PDE4B: variants seen among roughly 807,000 people sequenced by gnomAD.
PDE4B encodes phosphodiesterase 4B.
In PDE4B, 20 loss-of-function variants were observed where a neutral mutation model predicts 82.2. The observed-to-expected ratio is 0.24, with a 90% CI of 0.17 to 0.35. PDE4B has a LOEUF of 0.35. Ranked by LOEUF, PDE4B falls within the 10% of genes least tolerant of loss-of-function variation. The pLI, the probability that PDE4B is intolerant of heterozygous loss-of-function variation, is 1.00. For synonymous variants in PDE4B, 320 were observed against 318.9 expected (o/e 1.00, Z -0.04); for missense variants, 655 against 907.2 (o/e 0.72, Z 3.57).
At chr1:66,169,501 C>A (rs1257455573) in intron 3 of PDE4B, among the ~76,000 whole-genome samples, 1 of 152,148 alleles carries the variant, frequency 6.6e-6, no homozygotes, top group African/African-American at 2.4e-5. Flanking sequence ...AGGGTTTTCG[C>A]CTTTGTTGTG....
intron 1 of PDE4B, among the ~76,000 whole-genome samples, chr1:65,864,551 G>A (rs748585389): frequency 4.1e-4 from 62 of 152,052 alleles, no homozygotes; most frequent in Non-Finnish European, 8.8e-5. Context: ...TTGTGCGGGG[G>A]TCCTTTATGT....
chr1:66,200,642 CTGTT>C (rs1158504524), intron 3 of PDE4B, among the ~76,000 whole-genome samples: 5 of 152,094 alleles, frequency 3.3e-5, no homozygotes, highest in African/African-American at 1.2e-4. Context: ...ATTTGGCTCT[CTGTT>C]TGTCTGTTAT....
At chr1:65,996,700 CATT>C (rs1354090575) in intron 3 of PDE4B, among the ~76,000 whole-genome samples, 2 of 152,122 alleles carry the variant, frequency 1.3e-5, no homozygotes, top group African/African-American at 4.8e-5. Flanking sequence ...CTCCATTCAT[CATT>C]ATTTTGACTC....
intron 3 of PDE4B, among the ~76,000 whole-genome samples, chr1:66,236,241 C>G (rs1044013896): frequency 2.6e-5 from 4 of 152,032 alleles, no homozygotes; most frequent in Non-Finnish European, 5.9e-5. Context: ...TTATCACAGT[C>G]TACCTTCAAG....
At chr1:66,002,351 G>A (rs1397367975) in intron 3 of PDE4B, among the ~76,000 whole-genome samples, 2 of 151,916 alleles carry the variant, frequency 1.3e-5, no homozygotes, top group East Asian at 1.9e-4. Flanking sequence ...ATTTTTAAGA[G>A]CACACTGACA....
At chr1:66,311,981 G>A (rs1361299307) in intron 7 of PDE4B, among the ~76,000 whole-genome samples, 4 of 152,166 alleles carry the variant, frequency 2.6e-5, no homozygotes, top group African/African-American at 9.7e-5. Context: ...CAAATGTATA[G>A]GTCTGGGAAC....
At chr1:66,237,195 A>G (rs1235727470) in intron 3 of PDE4B, among the ~76,000 whole-genome samples, 1 of 152,198 alleles carries the variant, frequency 6.6e-6, no homozygotes, top group Non-Finnish European at 1.5e-5. Context: ...TTTAAAATCC[A>G]AATGCCAGGC....
At chr1:66,150,129 A>G (rs1487707289) in intron 3 of PDE4B, among the ~76,000 whole-genome samples, 2 of 152,150 alleles carry the variant, frequency 1.3e-5, no homozygotes, top group Non-Finnish European at 2.9e-5. Flanking sequence ...TCCTTATGCT[A>G]GTATCACACT....
chr1:66,202,715 T>A (rs1387844046), intron 3 of PDE4B, among the ~76,000 whole-genome samples: 2 of 152,132 alleles, frequency 1.3e-5, no homozygotes, highest in Non-Finnish European at 2.9e-5. Context: ...TCTTCCTCCA[T>A]CCCTTTATTT....
intron 3 of PDE4B, among the ~76,000 whole-genome samples, chr1:65,948,973 C>T (rs1648854905): frequency 6.6e-6 from 1 of 152,024 alleles, no homozygotes; most frequent in South Asian, 2.1e-4. Context: ...TTATTGGCTG[C>T]CTATCTATCT....
chr1:66,172,600 C>A (rs1299512465), intron 3 of PDE4B, among the ~76,000 whole-genome samples: 1 of 152,148 alleles, frequency 6.6e-6, no homozygotes, highest in Non-Finnish European at 1.5e-5. Context: ...TCTCTGCAGC[C>A]TCATCAGAAG....
intron 3 of PDE4B, among the ~76,000 whole-genome samples, chr1:66,194,457 G>T (rs547825234): frequency 1.3e-5 from 2 of 152,028 alleles, no homozygotes; most frequent in Non-Finnish European, 1.5e-5. Context: ...AGCAAGAAAG[G>T]TTACAAGGGT....
At chr1:66,101,299 C>T (rs2101021545) in intron 3 of PDE4B, among the ~76,000 whole-genome samples, 1 of 152,254 alleles carries the variant, frequency 6.6e-6, no homozygotes, top group African/African-American at 2.4e-5. Context: ...CATACATGTG[C>T]ATGTGTCTTT....
chr1:66,201,856 C>G (rs1003475953), intron 3 of PDE4B, among the ~76,000 whole-genome samples: 1 of 151,890 alleles, frequency 6.6e-6, no homozygotes, highest in African/African-American at 2.4e-5. Context: ...TTCAGTTCTG[C>G]TCTGATTTTA....
chr1:66,365,682 T>C lies in PDE4B; in HGVS notation c.1300T>C (p.Leu434=). ...TGCCCGACAGGCTGTCTTCACAGAT[T>C]TGGAGATCCTGGCTGCCATTTTTGC... ...TPALDAVFTD[L]EILAAIFAAA... The change falls in exon 13 of 17, where the codon TTG becomes CTG. Residue 434 remains leucine (L), a synonymous_variant. Coordinates refer to ENST00000341517, the MANE Select transcript of PDE4B (RefSeq NM_002600.4). 1 of 1,608,148 alleles carries C rather than the reference T, an allele frequency of 6.2e-7. No individual in the cohort carries two copies. The highest frequency in any genetic ancestry group is 8.5e-7 in the Non-Finnish European group (1 of 1,175,284).
intron 3 of PDE4B, among the ~76,000 whole-genome samples, chr1:66,089,043 A>T (rs1230705484): frequency 1.3e-5 from 2 of 152,108 alleles, no homozygotes; most frequent in Admixed American, 1.3e-4. Context: ...TGAGATTGAC[A>T]TTGTTGTTAT....
intron 3 of PDE4B, among the ~76,000 whole-genome samples, chr1:66,045,529 T>A (rs1247825837): frequency 6.6e-6 from 1 of 151,782 alleles, no homozygotes; most frequent in East Asian, 1.9e-4. Flanking sequence ...TGGCTTGTAC[T>A]TCCTAATTTT....
At chr1:66,015,245 A>G (rs1230073197) in intron 3 of PDE4B, among the ~76,000 whole-genome samples, 2 of 152,196 alleles carry the variant, frequency 1.3e-5, no homozygotes, top group African/African-American at 2.4e-5. Flanking sequence ...CTATTAGACT[A>G]TACAATAATC....
intron 1 of PDE4B, among the ~76,000 whole-genome samples, chr1:65,895,445 G>A (rs1262786000): frequency 6.6e-6 from 1 of 151,286 alleles, no homozygotes; most frequent in Admixed American, 6.6e-5. Flanking sequence ...AGCTACTCAG[G>A]AGGCTGAGGC....
Sources: gnomAD v4.1 joint callset for allele counts (sites outside exome capture counted in the v4.1 genomes callset) on GRCh38, gnomAD v4.1.1 for gene constraint, MANE v1.5 for transcripts, NCBI Gene and HGNC (gene_info 2026-07-23, HGNC 2026-07-21) for gene names.